The following MEST variants were observed in gnomAD, a reference collection of about 807,000 sequenced individuals.
MEST encodes mesoderm specific transcript, also known as mesoderm-specific transcript homolog protein.
Under a neutral mutation model 50.9 loss-of-function variants are expected in MEST, and 18 were observed. The ratio of observed to expected loss-of-function variants is 0.35; its 90% CI spans 0.24 to 0.52. MEST has a LOEUF of 0.52. Among genes scored for constraint, MEST ranks in the 20% least tolerant of loss-of-function variants. The pLI is 0.94. For synonymous variants in MEST, 130 were observed against 154.1 expected, an observed-to-expected ratio of 0.84 and a Z score of 1.16; for missense variants, 282 against 425.3, an observed-to-expected ratio of 0.66 and a Z score of 2.96.
chr7:130,495,149 AT>A (rs1310654165), intron 1 of MEST, among the ~76,000 whole-genome samples: 100 of 151,948 alleles, frequency 6.6e-4, no homozygotes, highest in Non-Finnish European at 8.2e-4. Flanking sequence ...GAAATAATGT[AT>A]TTTTTTTCCT....
intron 1 of MEST, among the ~76,000 whole-genome samples, chr7:130,494,368 C>G (rs1051681820): frequency 6.6e-6 from 1 of 152,162 alleles, no homozygotes; most frequent in East Asian, 1.9e-4. Context: ...ATTCTACTGA[C>G]AATTCTTGAT....
In MEST at chr7:130,498,459, C is replaced by A; in HGVS notation, c.517C>A (p.Leu173Ile). The A allele has an allele frequency of 1.9e-6, 3 of 1,614,132 alleles. No homozygotes were observed. The highest frequency in any genetic ancestry group is 1.1e-5 in the South Asian group (1 of 91,084). The change falls in exon 6 of 12, where the codon CTC (leucine) becomes ATC (isoleucine). Residue 173 changes from leucine to isoleucine, a missense_variant. Physicochemically the swap from Leu to Ile is conservative, Grantham distance 5. Coordinates refer to ENST00000223215, the MANE Select transcript of MEST (RefSeq NM_002402.4). The part of the protein sequence containing the change: ...NRSGRLTIKS[L>I]CLSNGGIFPE... ...ATCTGGTCGGCTTACCATAAAGAGT[C>A]TCTGTCTGTCAAATGGAGGTAATTG...
chr7:130,501,071 C>T, intron 9 of MEST, 181 bp downstream of exon 9: 6 of 535,068 alleles, frequency 1.1e-5, no homozygotes, highest in Non-Finnish European at 2.0e-5. Flanking sequence ...TGAAACTGGA[C>T]TCTTTGTTAG....
chr7:130,490,386 T>C (rs1252330380), upstream of MEST, among the ~76,000 whole-genome samples: 1 of 152,196 alleles, frequency 6.6e-6, no homozygotes, highest in Non-Finnish European at 1.5e-5. Context: ...AGCCGTCCCC[T>C]CCGGCTGGAA....
chr7:130,495,583 T>C (rs1329137595), intron 2 of MEST, 61 bp downstream of exon 2: 4 of 1,545,502 alleles, frequency 2.6e-6, no homozygotes, highest in Non-Finnish European at 3.5e-6. Context: ...AGCTGAGGTA[T>C]TTATTTTGTG....
upstream of MEST, chr7:130,489,873 A>T (rs1798733015): frequency 6.6e-6 from 1 of 152,192 alleles, no homozygotes; most frequent in South Asian, 2.1e-4. Context: ...CCATGTGGGT[A>T]GACATGTTCC....
At position 130,497,932 on chromosome 7, in the gene MEST, G is replaced by C. The variant is rs782552386; in HGVS notation, c.262-4G>C. On this transcript the variant is annotated splice_region_variant and splice_polypyrimidine_tract_variant and intron_variant, in intron 3 of 11. Transcript: ENST00000223215. This position sits in a 1 kb window ranked among gnomAD's most constrained non-coding sequence, Gnocchi z 4.0. ...AAGCCCAAATCATCGTTTCTTTCTT[G>C]TAGATTTGGGAAGGTCTGACCTTGA... 5.0e-6 allele frequency: 8 copies of C among 1,614,146 alleles called. No individual in the cohort carries two copies. Among genetic ancestry groups the C allele is most frequent in the Non-Finnish European group, 6.8e-6 (8 of 1,179,976 alleles).
At chr7:130,496,995 C>G in intron 2 of MEST, 161 bp from the exon 3 acceptor site, 1 of 533,706 alleles carries the variant, frequency 1.9e-6, no homozygotes, top group Non-Finnish European at 3.4e-6. Flanking sequence ...CCTGTTCTCA[C>G]CTAACGCAGT....
upstream of MEST, chr7:130,490,768 C>T (rs1466963804): frequency 6.6e-6 from 1 of 152,192 alleles, no homozygotes; most frequent in African/African-American, 2.4e-5. Flanking sequence ...TTCTTAGTGC[C>T]CTGTAGGTGC....
At chr7:130,487,459 C>T (rs965396726), upstream of MEST, 1 of 152,146 alleles carries the variant, frequency 6.6e-6, no homozygotes, top group African/African-American at 2.4e-5. Context: ...CCCACTAATA[C>T]TGTCACCTGG....
upstream of MEST, chr7:130,489,083 T>C (rs1798708858): frequency 2.0e-5 from 3 of 152,226 alleles, no homozygotes; most frequent in Admixed American, 1.3e-4. Context: ...GCACTTGTCA[T>C]ATTATGGGTC....
intron 10 of MEST, among the ~76,000 whole-genome samples, chr7:130,502,925 A>G (rs1448558869): frequency 6.6e-6 from 1 of 152,252 alleles, no homozygotes; most frequent in Non-Finnish European, 1.5e-5. Context: ...ACACCAAAAA[A>G]AAATCATTTT....
intron 1 of MEST, 60 bp from the exon 2 acceptor site, chr7:130,495,308 T>A: frequency 6.6e-7 from 1 of 1,515,194 alleles, no homozygotes; most frequent in Non-Finnish European, 8.9e-7. Context: ...AGGTTTTGGT[T>A]TGTAGATGAG....
intron 6 of MEST, 139 bp from the exon 7 acceptor site, chr7:130,499,736 A>C (rs1584948059): frequency 3.2e-6 from 2 of 622,328 alleles, no homozygotes; most frequent in Non-Finnish European, 2.7e-6. Flanking sequence ...TTGCACCTGT[A>C]ATCCCAGCAC....
chr7:130,498,007 C>T lies in MEST; in HGVS notation c.333C>T (p.Asp111=). 2 of 1,614,198 alleles carry T rather than the reference C, an allele frequency of 1.2e-6. No homozygotes were observed. The highest frequency in any genetic ancestry group is 8.5e-7 in the Non-Finnish European group (1 of 1,180,028). ...ALDFLGFGFS[D]KPRPHHYSIF... ...ATTTCTTAGGCTTTGGCTTCAGTGA[C>T]AAACCGGTAAGCAGCACCTATGTGG... The change falls in exon 4 of 12, where the codon GAC becomes GAT. Residue 111 remains aspartate, a synonymous_variant. Transcript: ENST00000223215.
intron 10 of MEST, among the ~76,000 whole-genome samples, chr7:130,503,708 G>T (rs1799363863): frequency 6.6e-6 from 1 of 152,142 alleles, no homozygotes; most frequent in Non-Finnish European, 1.5e-5. Flanking sequence ...CTCAGCTACT[G>T]AGGACACTGA....
chr7:130,500,526 C>A lies in MEST; in HGVS notation c.641C>A (p.Ser214Tyr). 6.2e-7 allele frequency: 1 copy of A among 1,613,172 alleles called. No homozygotes were observed. The highest frequency in any genetic ancestry group is 8.5e-7 in the Non-Finnish European group (1 of 1,179,554). ...CGACTGATGAACTTCTTTGTATTCT[C>A]TCGAGGGTAAGTGTCACTGTCAAAG... ...LTRLMNFFVF[S>Y]RGLTPVFGPY... The change falls in exon 8 of 12, where the codon TCT (serine) becomes TAT (tyrosine). Residue 214 changes from serine (S) to tyrosine (Y), a missense_variant. By Grantham distance (144) the Ser-to-Tyr change is moderately radical. Transcript: ENST00000223215. This position sits in a 1 kb window ranked among gnomAD's most constrained non-coding sequence, Gnocchi z 5.0.
At position 130,503,966 on chromosome 7, in the gene MEST, A is replaced by G. The variant is rs782091070; in HGVS notation, c.860A>G (p.Asn287Ser). The stretch of plus-strand genomic sequence containing the variant: ...ATCTATGGGCCATTGGATCCTGTAA[A>G]TCCCTATCCAGAGTTTTTGGAGCTG... ...HFIYGPLDPV[N>S]PYPEFLELYR... Residue 287 changes from asparagine to serine, a missense_variant, in exon 11 of 12, where the codon AAT becomes AGT. Coordinates refer to ENST00000223215, the MANE Select transcript of MEST (RefSeq NM_002402.4). The G allele has an allele frequency of 6.2e-7, 1 of 1,613,484 alleles. No individual in the cohort carries two copies.
chr7:130,501,564 G>A (rs925235989), intron 9 of MEST, among the ~76,000 whole-genome samples: 1 of 152,176 alleles, frequency 6.6e-6, no homozygotes, highest in African/African-American at 2.4e-5. Flanking sequence ...TAACTGTCCT[G>A]GAGTTGCCAG....
Sources: gnomAD v4.1 joint callset for allele counts (sites outside exome capture counted in the v4.1 genomes callset) on GRCh38, gnomAD v4.1.1 for gene constraint, Gnocchi (gnomAD v3.1) non-coding constraint, MANE v1.5 for transcripts, NCBI Gene and HGNC (gene_info 2026-07-23, HGNC 2026-07-21) for gene names.